Variants in CDX1 observed in about 807,000 individuals in gnomAD.
The protein encoded by CDX1 is homeobox protein CDX-1.
A neutral mutation model predicts 16.9 loss-of-function variants in CDX1; 9 were observed. The ratio of observed to expected loss-of-function variants is 0.53; its 90% confidence interval spans 0.32 to 0.93. The LOEUF is 0.93. Ranked by LOEUF, CDX1 falls within the 40% of genes least tolerant of loss-of-function variation. The pLI, the probability that CDX1 is intolerant of heterozygous loss-of-function variation, is 0.04. For missense variants in CDX1, 393 were observed against 386.1 expected, an observed-to-expected ratio of 1.02 and a Z score of -0.15; for synonymous variants, 179 against 179.0, an observed-to-expected ratio of 1.00 and a Z score of 0.00.
chr5:150,167,334 C>T lies in CDX1; in HGVS notation c.445+13C>T, dbSNP rs912558826. 2.4e-6 allele frequency: 3 copies of T among 1,247,210 alleles called. No individual in the cohort carries two copies. The highest frequency in any genetic ancestry group is 3.0e-6 in the Non-Finnish European group (3 of 998,346). The allele number at this position is 1,247,210 out of a possible 1,614,324, so 77.3% of individuals were successfully genotyped here. ...GGCGGTGGCAGCGGTAAGGACCCTT[C>T]CCTCGCCCTGCGCCTCTGGACCTGC... On this transcript the variant is annotated intron_variant, in intron 1 of 2. Transcript: ENST00000231656.
Position 150,167,223 on chromosome 5 carries a change from T to G in CDX1, c.347T>G (p.Leu116Arg). 7.9e-7 allele frequency: 1 copy of G among 1,260,386 alleles called. No individual in the cohort carries two copies. The highest frequency in any genetic ancestry group is 4.2e-5 in the Admixed American group (1 of 23,636). The allele number at this position is 1,260,386 out of a possible 1,614,324, so 78.1% of individuals were successfully genotyped here. A position where few individuals can be genotyped will look rare whatever the true frequency, so the allele number is the denominator to read the frequency against. Residue 116 changes from leucine (L) to arginine (R), a missense_variant, in exon 1 of 3, where the codon CTC becomes CGC. By Grantham distance (102) the Leu-to-Arg change is moderately radical. Coordinates refer to ENST00000231656, the MANE Select transcript of CDX1 (RefSeq NM_001804.3). Reference protein sequence around the residue: ...GPGPGLLAQPLGGPGTPSSPG... With the variant: ...GPGPGLLAQPRGGPGTPSSPG... Reference sequence around the variant, plus strand: ...GGCCCGGGCCTCCTGGCGCAGCCCCTCGGGGGCCCGGGCACACCGTCCTCG... The same window carrying G: ...GGCCCGGGCCTCCTGGCGCAGCCCCGCGGGGGCCCGGGCACACCGTCCTCG...
intron 1 of CDX1, among the ~76,000 whole-genome samples, chr5:150,170,641 C>T (rs1231682254): frequency 6.6e-6 from 1 of 152,148 alleles, no homozygotes; most frequent in East Asian, 1.9e-4. Context: ...TCTGTCTCTC[C>T]ACTTGGATGG....
intron 1 of CDX1, among the ~76,000 whole-genome samples, chr5:150,171,728 T>C (rs1055240208): frequency 2.0e-5 from 3 of 152,248 alleles, no homozygotes; most frequent in African/African-American, 4.8e-5. Context: ...ATTGAAGCCA[T>C]TCTCCTGCTA....
chr5:150,176,149 C>A (rs887808565), intron 1 of CDX1, among the ~76,000 whole-genome samples: 12 of 152,220 alleles, frequency 7.9e-5, no homozygotes, highest in African/African-American at 2.2e-4. Flanking sequence ...TTAGGCCCCT[C>A]ACCAGAAGTG....
intron 1 of CDX1, among the ~76,000 whole-genome samples, chr5:150,180,942 CGG>C (rs1752400573): frequency 6.6e-6 from 1 of 152,192 alleles, no homozygotes; most frequent in South Asian, 2.1e-4. Flanking sequence ...TCCTGGGTTA[CGG>C]CAGCTCTCCC....
At chr5:150,174,385 A>G (rs965544522) in intron 1 of CDX1, among the ~76,000 whole-genome samples, 1 of 152,276 alleles carries the variant, frequency 6.6e-6, no homozygotes, top group Admixed American at 6.5e-5. Flanking sequence ...TCTTGGGCTC[A>G]GGGTGCCCCT....
At chr5:150,168,945 C>A (rs1761469636) in intron 1 of CDX1, among the ~76,000 whole-genome samples, 1 of 152,196 alleles carries the variant, frequency 6.6e-6, no homozygotes, top group South Asian at 2.1e-4. Context: ...AAGCTTTATC[C>A]ATAAATCCGG....
chr5:150,174,383 T>C (rs983205955), intron 1 of CDX1, among the ~76,000 whole-genome samples: 2 of 152,254 alleles, frequency 1.3e-5, no homozygotes, highest in African/African-American at 2.4e-5. Flanking sequence ...TGTCTTGGGC[T>C]CAGGGTGCCC....
At chr5:150,182,724 CT>C in intron 1 of CDX1, 43 bp from the exon 2 acceptor site, 1 of 1,507,402 alleles carries the variant, frequency 6.6e-7, no homozygotes, top group Non-Finnish European at 8.8e-7. Flanking sequence ...TTGTAGCCTC[CT>C]CCTCTCAACT....
intron 1 of CDX1, among the ~76,000 whole-genome samples, chr5:150,181,575 G>A (rs1049954502): frequency 1.3e-5 from 2 of 152,072 alleles, no homozygotes; most frequent in East Asian, 1.9e-4. Context: ...CACCGCGCCT[G>A]GCCCTACATG....
Position 150,166,969 on chromosome 5 carries a change from C to T in CDX1, c.93C>T (p.Gly31=). 6.9e-7 allele frequency: 1 copy of T among 1,454,184 alleles called. No homozygotes were observed. Among genetic ancestry groups the T allele is most frequent in the South Asian group, 1.4e-5 (1 of 73,782 alleles). The allele number at this position is 1,454,184 out of a possible 1,614,324, so 90.1% of individuals were successfully genotyped here. ...ASLGLGPQAY[G]PPAPPPAPPQ... ...TCGGCCTGGGCCCGCAAGCCTACGG[C>T]CCCCCGGCCCCGCCCCCGGCGCCCC... The change falls in exon 1 of 3, where the codon GGC becomes GGT. Residue 31 remains glycine, a synonymous_variant. Coordinates refer to ENST00000231656, the MANE Select transcript of CDX1 (RefSeq NM_001804.3).
At chr5:150,177,466 C>T (rs1761582913) in intron 1 of CDX1, among the ~76,000 whole-genome samples, 1 of 152,182 alleles carries the variant, frequency 6.6e-6, no homozygotes, top group African/African-American at 2.4e-5. Context: ...CAAGTGAGCC[C>T]CTGTATGCCG....
intron 1 of CDX1, among the ~76,000 whole-genome samples, chr5:150,171,362 A>G (rs1761502880): frequency 6.6e-6 from 1 of 152,108 alleles, no homozygotes; most frequent in Admixed American, 6.5e-5. Flanking sequence ...TTGAGACAGA[A>G]TCTTGCTATG....
At chr5:150,172,476 G>A (rs929827301) in intron 1 of CDX1, among the ~76,000 whole-genome samples, 1 of 152,058 alleles carries the variant, frequency 6.6e-6, no homozygotes, top group African/African-American at 2.4e-5. Context: ...GGGTAAGGTG[G>A]CCTGCCCAAG....
At chr5:150,171,345 CTTTT>C (rs780041575) in intron 1 of CDX1, among the ~76,000 whole-genome samples, 9 of 151,922 alleles carry the variant, frequency 5.9e-5, no homozygotes, top group South Asian at 2.1e-4. Flanking sequence ...TTTCTTTTTT[CTTTT>C]TTTTGAGACA....
intron 1 of CDX1, among the ~76,000 whole-genome samples, chr5:150,170,324 C>T (rs1761488124): frequency 6.6e-6 from 1 of 152,228 alleles, no homozygotes; most frequent in Admixed American, 6.5e-5. Flanking sequence ...CTTCAGAGCA[C>T]TAATTCCAAT....
At chr5:150,171,419 T>C (rs1446801056) in intron 1 of CDX1, among the ~76,000 whole-genome samples, 1 of 152,210 alleles carries the variant, frequency 6.6e-6, no homozygotes, top group Non-Finnish European at 1.5e-5. Context: ...CACTGCAAGC[T>C]CCGCCTCCCA....
At chr5:150,169,936 A>G (rs1034534251) in intron 1 of CDX1, among the ~76,000 whole-genome samples, 1 of 152,242 alleles carries the variant, frequency 6.6e-6, no homozygotes, top group South Asian at 2.1e-4. Context: ...GCTAGATGTC[A>G]GAAGAATTGG....
In CDX1 at chr5:150,183,715, G is replaced by A. The variant is rs770083616; in HGVS notation, c.*35G>A. ...CAGCCTGTGCGCCGGGGGACCTGGG[G>A]ACTCGGGTGCTGGGAGTGTGGCTCC... On this transcript the variant is annotated 3_prime_UTR_variant, in exon 3 of 3. Transcript: ENST00000231656. The A allele has an allele frequency of 8.8e-6, 13 of 1,473,620 alleles. No homozygotes were observed. The South Asian group carries it at 1.8e-4, about 21-fold the overall frequency. 91.3% of individuals were successfully genotyped at this position (1,473,620 alleles called of 1,614,324 possible).
Sources: allele counts gnomAD v4.1 joint callset (sites outside exome capture counted in the v4.1 genomes callset), GRCh38; gene constraint gnomAD v4.1.1; transcripts MANE v1.5; gene names NCBI Gene and HGNC (gene_info 2026-07-23, HGNC 2026-07-21).